PDLIM5: variants seen among roughly 807,000 people sequenced by gnomAD.
PDLIM5 encodes the protein PDZ and LIM domain 5.
PDLIM5 carries 34 observed loss-of-function variants against 64.2 expected under a neutral mutation model. The observed-to-expected ratio is 0.53, with a 90% CI of 0.40 to 0.71. PDLIM5 has a LOEUF of 0.71. Among genes scored for constraint, PDLIM5 ranks in the 30% least tolerant of loss-of-function variants. The pLI is 0.00. For missense variants in PDLIM5, 683 were observed against 733.6 expected (o/e 0.93, Z 0.80); for synonymous variants, 253 against 269.1 (o/e 0.94, Z 0.59).
At chr4:94,579,606 T>TTAAGTTAAA in intron 5 of PDLIM5, 1 of 769,848 alleles carries the variant, frequency 1.3e-6, no homozygotes, top group Non-Finnish European at 2.0e-6. Context: ...GAATGCCTGA[T>TTAAGTTAAA]TTTTGCAAAA....
intron 3 of PDLIM5, among the ~76,000 whole-genome samples, chr4:94,563,514 T>C (rs918335723): frequency 1.3e-5 from 2 of 152,218 alleles, no homozygotes; most frequent in African/African-American, 2.4e-5. Context: ...ACACAGAAGA[T>C]AGCAGACTGA....
Position 94,570,095 on chromosome 4 carries a change from T to A in PDLIM5, c.249-3256T>A, listed in dbSNP as rs1734681877. On this transcript the variant is annotated intron_variant, in intron 3 of 12. Coordinates refer to ENST00000317968, the MANE Select transcript of PDLIM5 (RefSeq NM_006457.5). ...TACAGAATTATTATAATTATAATTC[T>A]TAAAGAAGTATTATAATTAGATATA... Among the ~76,000 whole-genome samples, 3 of 152,118 alleles carry A rather than the reference T, an allele frequency of 2.0e-5. No individual in the cohort carries two copies. The South Asian group carries it at 6.2e-4, about 32-fold the overall frequency.
chr4:94,483,856 A>G (rs1330283941), intron 2 of PDLIM5, among the ~76,000 whole-genome samples: 1 of 152,190 alleles, frequency 6.6e-6, no homozygotes, highest in Non-Finnish European at 1.5e-5. Flanking sequence ...TGTCTTTGTT[A>G]TATTTATCTT....
chr4:94,663,375 A>C (rs1006574197), intron 12 of PDLIM5, among the ~76,000 whole-genome samples: 4 of 152,226 alleles, frequency 2.6e-5, no homozygotes, highest in Non-Finnish European at 4.4e-5. Context: ...AAAGCTGTTC[A>C]TTCTAATTAA....
chr4:94,567,487 A>G (rs1734439826), intron 3 of PDLIM5, among the ~76,000 whole-genome samples: 1 of 148,418 alleles, frequency 6.7e-6, no homozygotes, highest in African/African-American at 2.5e-5. Context: ...TTTTCAGAGA[A>G]TGCAATTCTA....
intron 9 of PDLIM5, among the ~76,000 whole-genome samples, chr4:94,647,599 C>T (rs2110474278): frequency 6.6e-6 from 1 of 152,178 alleles, no homozygotes; most frequent in South Asian, 2.1e-4. Context: ...GATTACTGGT[C>T]AGAATAGCAA....
intron 2 of PDLIM5, among the ~76,000 whole-genome samples, chr4:94,467,853 G>A (rs751847444): frequency 6.6e-6 from 1 of 152,082 alleles, no homozygotes; most frequent in African/African-American, 2.4e-5. Flanking sequence ...TTCAAACAGG[G>A]GAATGAGTTA....
chr4:94,570,672 T>C (rs376364004), intron 3 of PDLIM5, among the ~76,000 whole-genome samples: 22 of 152,314 alleles, frequency 1.4e-4, no homozygotes, highest in Middle Eastern at 3.4e-3. Flanking sequence ...TTCTGCACTC[T>C]TGAGTGCTCA....
chr4:94,619,564 C>T (rs989011458), intron 8 of PDLIM5, among the ~76,000 whole-genome samples: 4 of 151,776 alleles, frequency 2.6e-5, no homozygotes, highest in Admixed American at 6.6e-5. Flanking sequence ...GGCATGAACC[C>T]GGTAGGTGGA....
chr4:94,523,666 C>T, intron 2 of PDLIM5, 58 bp from the exon 3 acceptor site: 2 of 1,330,652 alleles, frequency 1.5e-6, no homozygotes, highest in South Asian at 1.3e-5. Context: ...TAATTTTTAT[C>T]AGCATTTATT....
At chr4:94,614,908 C>A (rs577061623) in intron 7 of PDLIM5, among the ~76,000 whole-genome samples, 1 of 152,216 alleles carries the variant, frequency 6.6e-6, no homozygotes, top group Admixed American at 6.5e-5. Flanking sequence ...CCCAAGTGAT[C>A]CATAGTACAT....
intron 5 of PDLIM5, among the ~76,000 whole-genome samples, chr4:94,582,150 A>G (rs956568690): frequency 6.6e-6 from 1 of 152,208 alleles, no homozygotes; most frequent in Non-Finnish European, 1.5e-5. Flanking sequence ...CTTTTATAAC[A>G]TATGATTCAG....
intron 3 of PDLIM5, among the ~76,000 whole-genome samples, chr4:94,568,761 AAG>A (rs1341206861): frequency 1.3e-5 from 2 of 152,244 alleles, no homozygotes; most frequent in Non-Finnish European, 2.9e-5. Context: ...AGTTTTAAGA[AAG>A]ATGTATGCAA....
At chr4:94,659,710 A>G (rs958220567) in intron 11 of PDLIM5, among the ~76,000 whole-genome samples, 30 of 151,664 alleles carry the variant, frequency 2.0e-4, no homozygotes, top group African/African-American at 7.0e-4. Context: ...TTGTATTTTT[A>G]GTAGAGACGG....
intron 7 of PDLIM5, among the ~76,000 whole-genome samples, chr4:94,614,887 A>C (rs1738649307): frequency 6.6e-6 from 1 of 152,218 alleles, no homozygotes; most frequent in Non-Finnish European, 1.5e-5. Context: ...GTCTGGGGTC[A>C]ATACCCTGCA....
chr4:94,647,293 A>G (rs1406089102), intron 9 of PDLIM5, among the ~76,000 whole-genome samples: 3 of 152,178 alleles, frequency 2.0e-5, no homozygotes, highest in Non-Finnish European at 2.9e-5. Flanking sequence ...TGTTACAAGT[A>G]AAAGTATAGA....
At chr4:94,469,406 C>T (rs950198717) in intron 2 of PDLIM5, among the ~76,000 whole-genome samples, 3 of 152,078 alleles carry the variant, frequency 2.0e-5, no homozygotes, top group African/African-American at 7.2e-5. Flanking sequence ...GAACTAATCA[C>T]GTGAAGAGCT....
chr4:94,545,502 AG>A (rs1732233531), intron 3 of PDLIM5, among the ~76,000 whole-genome samples: 1 of 152,224 alleles, frequency 6.6e-6, no homozygotes, highest in African/African-American at 2.4e-5. Context: ...AAAAATTATG[AG>A]AAAGAATGTT....
chr4:94,456,451 G>A lies in PDLIM5; in HGVS notation c.96+1067G>A, dbSNP rs11932224. 9.2e-3 allele frequency: 6,448 copies of A among 698,350 alleles called. 198 individuals carry two copies. The highest frequency in any genetic ancestry group is 0.08 in the African/African-American group (4,551 of 57,004). The allele number at this position is 698,350 out of a possible 1,614,324, so 43.3% of individuals were successfully genotyped here. A position where few individuals can be genotyped will look rare whatever the true frequency, so the allele number is the denominator to read the frequency against. ...GACCTCAGGTGATCTGCCCACCTCG[G>A]CCTCCCAAAGTGCTAAGATTACAGG... On this transcript the variant is annotated intron_variant, in intron 2 of 12. Transcript: ENST00000317968.
Sources: gnomAD v4.1 joint callset for allele counts (sites outside exome capture counted in the v4.1 genomes callset) on GRCh38, gnomAD v4.1.1 for gene constraint, MANE v1.5 for transcripts, NCBI Gene and HGNC (gene_info 2026-07-23, HGNC 2026-07-21) for gene names.